Variants in GPHN observed in about 807,000 individuals in gnomAD.
GPHN encodes the protein gephyrin.
In GPHN, 17 loss-of-function variants were observed where a neutral mutation model predicts 95.5. The observed-to-expected ratio is 0.18, with a 90% CI of 0.12 to 0.27. The LOEUF is 0.27. Ranked by LOEUF, GPHN falls within the 10% of genes least tolerant of loss-of-function variation. GPHN has a pLI of 1.00. For synonymous variants in GPHN, 320 were observed against 322.5 expected, an observed-to-expected ratio of 0.99 and a Z score of 0.08; for missense variants, 660 against 978.1, an observed-to-expected ratio of 0.67 and a Z score of 4.34.
intron 5 of GPHN, among the ~76,000 whole-genome samples, chr14:66,903,576 G>A (rs1022743374): frequency 6.6e-6 from 1 of 152,100 alleles, no homozygotes; most frequent in Admixed American, 6.6e-5. Flanking sequence ...ACATAGTTGA[G>A]TCTTATTTCT....
At chr14:67,480,868 G>C in the GPHN span, among the ~76,000 whole-genome samples, 1 of 152,178 alleles carries the variant, frequency 6.6e-6, no homozygotes, top group African/African-American at 2.4e-5. Flanking sequence ...TAACAGACGG[G>C]AGGGTCCAGT....
chr14:67,634,969 C>T, the GPHN span, among the ~76,000 whole-genome samples: 8 of 152,196 alleles, frequency 5.3e-5, no homozygotes, highest in East Asian at 1.9e-4. Context: ...TTTGGCTGGG[C>T]GCACGGTGGC....
intron 1 of GPHN, among the ~76,000 whole-genome samples, chr14:66,537,931 G>A (rs545521143): frequency 1.4e-4 from 22 of 152,170 alleles, no homozygotes; most frequent in African/African-American, 5.3e-4. Flanking sequence ...AGGCTCGAGC[G>A]ATCCTCCTAC....
At chr14:67,632,970 G>A in the GPHN span, among the ~76,000 whole-genome samples, 120 of 151,464 alleles carry the variant, frequency 7.9e-4, no homozygotes, top group African/African-American at 2.8e-3. Context: ...ACAGGCGCCC[G>A]CCACCACGCC....
the GPHN span, chr14:67,695,536 G>T: frequency 7.8e-7 from 1 of 1,275,870 alleles, no homozygotes; most frequent in Non-Finnish European, 1.1e-6. Flanking sequence ...GCCCCCCCAG[G>T]GGAGTTTTCC....
At chr14:66,535,720 G>A (rs911830204) in intron 1 of GPHN, among the ~76,000 whole-genome samples, 1 of 152,094 alleles carries the variant, frequency 6.6e-6, no homozygotes, top group Non-Finnish European at 1.5e-5. Flanking sequence ...TTTTGAAAGT[G>A]CTATTGTAAA....
the GPHN span, among the ~76,000 whole-genome samples, chr14:67,719,308 T>A: frequency 1.4e-3 from 212 of 152,330 alleles, 2 homozygotes; most frequent in South Asian, 5.8e-3. Context: ...AAATACATAG[T>A]TTGAGGAACT....
the GPHN span, among the ~76,000 whole-genome samples, chr14:67,624,470 G>A: frequency 6.6e-6 from 1 of 152,164 alleles, no homozygotes; most frequent in African/African-American, 2.4e-5. Flanking sequence ...TTCTGGGGAG[G>A]CCCCAGGAGA....
chr14:66,805,983 C>G (rs1193185190), intron 3 of GPHN, among the ~76,000 whole-genome samples: 4 of 152,218 alleles, frequency 2.6e-5, no homozygotes, highest in Non-Finnish European at 5.9e-5. Flanking sequence ...TTCTCTTCTG[C>G]ACTGCCCTAG....
chr14:67,473,930 G>T, the GPHN span: 3 of 1,593,618 alleles, frequency 1.9e-6, no homozygotes, highest in African/African-American at 1.3e-5. This position sits in a 1 kb window ranked among gnomAD's most constrained non-coding sequence, Gnocchi z 6.5. Context: ...CCATGGCGCC[G>T]ACTGGGGCTG....
At chr14:67,722,672 C>A in the GPHN span, 2 of 1,613,984 alleles carry the variant, frequency 1.2e-6, no homozygotes, top group Non-Finnish European at 1.7e-6. Context: ...TGCTCACCTC[C>A]TTCTTCTCGT....
At chr14:66,651,907 T>C (rs950288543) in intron 1 of GPHN, among the ~76,000 whole-genome samples, 2 of 152,002 alleles carry the variant, frequency 1.3e-5, no homozygotes, top group Non-Finnish European at 2.9e-5. Flanking sequence ...TGGTGAGTTG[T>C]ATAATTATTT....
the GPHN span, among the ~76,000 whole-genome samples, chr14:67,315,308 G>A: frequency 9.1e-6 from 1 of 109,790 alleles, no homozygotes; most frequent in Non-Finnish European, 1.7e-5. Flanking sequence ...ACAAAATCTC[G>A]CTCTGTCTCC....
chr14:67,497,432 T>A, the GPHN span, among the ~76,000 whole-genome samples: 1 of 152,068 alleles, frequency 6.6e-6, no homozygotes, highest in Non-Finnish European at 1.5e-5. Flanking sequence ...GAGGAAGAAC[T>A]GACGGGCAGC....
chr14:67,312,694 A>C, the GPHN span: 1 of 1,609,186 alleles, frequency 6.2e-7, no homozygotes, highest in Non-Finnish European at 8.5e-7. Context: ...ATCAACCTCT[A>C]GCCGGGCTTG....
intron 1 of GPHN, among the ~76,000 whole-genome samples, chr14:66,634,718 G>A (rs1230742202): frequency 1.3e-5 from 2 of 152,104 alleles, no homozygotes; most frequent in Non-Finnish European, 2.9e-5. Context: ...CAGGCTCCTG[G>A]GTGAGGCGCA....
At chr14:66,932,453 T>G (rs924914877) in intron 8 of GPHN, among the ~76,000 whole-genome samples, 5 of 116,574 alleles carry the variant, frequency 4.3e-5, no homozygotes, top group East Asian at 4.7e-4. Flanking sequence ...GGTTTTTTTT[T>G]TTTTTTTTTT....
At chr14:67,615,528 G>T in the GPHN span, 1 of 450,016 alleles carries the variant, frequency 2.2e-6, no homozygotes, top group Non-Finnish European at 4.3e-6. Flanking sequence ...AAATGCCATC[G>T]TATGTATTTT....
At chr14:67,531,829 G>GC in the GPHN span, among the ~76,000 whole-genome samples, 1 of 143,446 alleles carries the variant, frequency 7.0e-6, no homozygotes, top group Admixed American at 7.1e-5. Context: ...GATTGCTTGA[G>GC]CCCAGGAGTT....
Sources: gnomAD v4.1 joint callset for allele counts (sites outside exome capture counted in the v4.1 genomes callset) on GRCh38, gnomAD v4.1.1 for gene constraint, Gnocchi (gnomAD v3.1) non-coding constraint, MANE v1.5 for transcripts, NCBI Gene and HGNC (gene_info 2026-07-23, HGNC 2026-07-21) for gene names.